PRPF8: variants seen among roughly 807,000 people sequenced by gnomAD.
PRPF8 encodes pre-mRNA-processing-splicing factor 8.
PRPF8 carries 64 observed loss-of-function variants against 285.9 expected under a neutral mutation model. The ratio of observed to expected loss-of-function variants is 0.22; its 90% CI spans 0.18 to 0.28. PRPF8 has a LOEUF of 0.28. Ranked by LOEUF, PRPF8 falls within the 10% of genes least tolerant of loss-of-function variation. The pLI is 1.00. For missense variants in PRPF8, 1,426 were observed against 3,026.7 expected (o/e 0.47, Z 12.41); for synonymous variants, 1,325 against 1,118.2 (o/e 1.18, Z -3.69).
In PRPF8 at chr17:1,650,739, C is replaced by T. The variant is rs755393216; in HGVS notation, c.*63G>A. The T allele has an allele frequency of 3.8e-6, 6 of 1,592,740 alleles. No individual in the cohort carries two copies. The highest frequency in any genetic ancestry group is 4.5e-5 in the East Asian group (2 of 44,786). On this transcript the variant is annotated 3_prime_UTR_variant, in exon 43 of 43. Coordinates refer to ENST00000304992, the MANE Select transcript of PRPF8 (RefSeq NM_006445.4). The stretch of plus-strand genomic sequence containing the variant: ...AAGAGGCCAAACTGCTGAATGTCAG[C>T]GGCCTGTCTGGAGGGGCTGAGGCTT...
At chr17:1,660,083 A>G in intron 30 of PRPF8, 82 bp from the exon 31 acceptor site, 1 of 1,459,130 alleles carries the variant, frequency 6.9e-7, no homozygotes, top group Non-Finnish European at 9.6e-7. Context: ...TAATGAGGCA[A>G]TAGGAGTCTC....
chr17:1,652,340 G>C (rs1052467335), intron 39 of PRPF8, among the ~76,000 whole-genome samples: 8 of 152,134 alleles, frequency 5.3e-5, no homozygotes, highest in Non-Finnish European at 1.2e-4. Context: ...CTGGGTTCAA[G>C]CAATTCTCCT....
At position 1,684,718 on chromosome 17, in the gene PRPF8, C is replaced by T. The variant is rs1040870928; in HGVS notation, c.-12+62G>A. The T allele has an allele frequency of 1.4e-5, 11 of 813,276 alleles. No homozygotes were observed. The African/African-American group carries it at 1.7e-4, about 13-fold the overall frequency. 50.4% of individuals were successfully genotyped at this position (813,276 alleles called of 1,614,324 possible). The stretch of plus-strand genomic sequence containing the variant: ...CCAGCCCCGCCCGGCCTAACCCCTT[C>T]GGTCACTCGGCCCGACCCGACCACG... On this transcript the variant is annotated intron_variant, in intron 1 of 42. Coordinates refer to ENST00000304992, the MANE Select transcript of PRPF8 (RefSeq NM_006445.4).
chr17:1,651,031 AG>A lies in PRPF8; in HGVS notation c.6853+76del. 6.2e-7 allele frequency: 1 copy of A among 1,613,972 alleles called. No individual in the cohort carries two copies. Among genetic ancestry groups the A allele is most frequent in the South Asian group, 1.1e-5 (1 of 91,082 alleles). ...AGCCTGCGCCACCTCCAAGCCAGCC[AG>A]GCCCCAAGTGCAAAGGGCGATGGCC... On this transcript the variant is annotated intron_variant, in intron 42 of 42. Coordinates refer to ENST00000304992, the MANE Select transcript of PRPF8 (RefSeq NM_006445.4). The surrounding 1 kb of genome is among the most constrained non-coding windows in gnomAD (Gnocchi z 5.1).
chr17:1,681,341 A>G, intron 6 of PRPF8, 137 bp downstream of exon 6: 1 of 1,109,970 alleles, frequency 9.0e-7, no homozygotes, highest in Non-Finnish European at 1.4e-6. Flanking sequence ...TCAGCTTCCC[A>G]AAGTGCTGAG....
chr17:1,653,474 C>T lies in PRPF8; in HGVS notation c.6369+68G>A. ...CAGCATCTCAAGTTCCAGACAATCT[C>T]AGGTCTGAGTTTTAGGCACAAAATG... On this transcript the variant is annotated intron_variant, in intron 39 of 42. Coordinates refer to ENST00000304992, the MANE Select transcript of PRPF8 (RefSeq NM_006445.4). This position sits in a 1 kb window ranked among gnomAD's most constrained non-coding sequence, Gnocchi z 4.9. 1 of 1,593,046 alleles carries T rather than the reference C, an allele frequency of 6.3e-7. No individual in the cohort carries two copies. Among genetic ancestry groups the T allele is most frequent in the Non-Finnish European group, 8.6e-7 (1 of 1,161,020 alleles).
chr17:1,655,147 G>A (rs1180288861), intron 37 of PRPF8, among the ~76,000 whole-genome samples: 4 of 150,322 alleles, frequency 2.7e-5, no homozygotes, highest in East Asian at 2.0e-4. Flanking sequence ...TAGTAGAGAC[G>A]GAGTTTCACC....
Position 1,659,056 on chromosome 17 carries a change from C to T in PRPF8, c.5139-293G>A, listed in dbSNP as rs1432588975. Reference sequence around the variant, plus strand: ...ATTATTTTTCTTTGAGATGGAGTCTCACTCTGTCGCCCAGGCTGGAGTGCA... The same window carrying T: ...ATTATTTTTCTTTGAGATGGAGTCTTACTCTGTCGCCCAGGCTGGAGTGCA... On this transcript the variant is annotated intron_variant, in intron 32 of 42. Coordinates refer to ENST00000304992, the MANE Select transcript of PRPF8 (RefSeq NM_006445.4). This position sits in a 1 kb window ranked among gnomAD's most constrained non-coding sequence, Gnocchi z 5.1. The T allele has an allele frequency of 7.4e-6, 4 of 541,414 alleles. No homozygotes were observed. Among genetic ancestry groups the T allele is most frequent in the Non-Finnish European group, 1.3e-5 (4 of 311,558 alleles). 33.5% of individuals were successfully genotyped at this position (541,414 alleles called of 1,614,324 possible).
Position 1,656,543 on chromosome 17 carries a change from T to C in PRPF8, c.5642A>G (p.Asn1881Ser), listed in dbSNP as rs867114986. 1 of 1,614,100 alleles carries C rather than the reference T, an allele frequency of 6.2e-7. No homozygotes were observed. Among genetic ancestry groups the C allele is most frequent in the Non-Finnish European group, 8.5e-7 (1 of 1,180,032 alleles). The change falls in exon 36 of 43, where the codon AAT becomes AGT. Residue 1881 changes from asparagine (N) to serine (S), a missense_variant. By Grantham distance (46) the Asn-to-Ser change is conservative. Around this residue, in one of 34 missense-constraint regions of PRPF8, gnomAD observed 29 missense variants for 86.4 expected, o/e 0.34. Transcript: ENST00000304992. Reference sequence around the variant, plus strand: ...GAGCTCCGATCCTTTGATGACAATATTGGGGAAGTCCAGTAAGTGCACCTA... The same window carrying C: ...GAGCTCCGATCCTTTGATGACAATACTGGGGAAGTCCAGTAAGTGCACCTA... ...PLEVHLLDFP[N>S]IVIKGSELQL...
chr17:1,681,630 G>A lies in PRPF8; in HGVS notation c.714C>T (p.Leu238=), dbSNP rs759319145. The A allele has an allele frequency of 3.7e-6, 6 of 1,614,148 alleles. No individual in the cohort carries two copies. Among genetic ancestry groups the A allele is most frequent in the Non-Finnish European group, 5.1e-6 (6 of 1,180,026 alleles). Reference sequence around the variant, plus strand: ...TCAGGAGCTGATTAGCCAGGCGGTAGAGAGTCGACATCATAGGTAGTGTGA... The same window carrying A: ...TCAGGAGCTGATTAGCCAGGCGGTAAAGAGTCGACATCATAGGTAGTGTGA... ...WQFTLPMMST[L]YRLANQLLTD... Residue 238 remains leucine, a synonymous_variant, in exon 6 of 43, where the codon CTC becomes CTT. Transcript: ENST00000304992.
Position 1,678,836 on chromosome 17 carries a change from C to T in PRPF8, c.1645G>A (p.Glu549Lys). Residue 549 changes from glutamate to lysine, a missense_variant, in exon 12 of 43, where the codon GAA (glutamate) becomes AAA (lysine). Physicochemically the swap from Glu to Lys is moderately conservative, Grantham distance 56. Coordinates refer to ENST00000304992, the MANE Select transcript of PRPF8 (RefSeq NM_006445.4). ...ACCAGCTTAGTCAAACGCAGAACTT[C>T]CCGACACAGGTGGAAAGCATTCCCA... ...RFGNAFHLCREVLRLTKLVVD... is the reference protein window; with the variant it reads ...RFGNAFHLCRKVLRLTKLVVD... The T allele has an allele frequency of 6.2e-7, 1 of 1,614,196 alleles. No homozygotes were observed. Among genetic ancestry groups the T allele is most frequent in the Non-Finnish European group, 8.5e-7 (1 of 1,180,036 alleles).
In PRPF8 at chr17:1,683,411, G is replaced by T. The variant is rs1913046034; in HGVS notation, c.269+122C>A. 6 of 1,103,766 alleles carry T rather than the reference G, an allele frequency of 5.4e-6. No homozygotes were observed. In the South Asian group the frequency reaches 6.3e-5, roughly 12 times the overall value. The allele number at this position is 1,103,766 out of a possible 1,614,324, so 68.4% of individuals were successfully genotyped here. A position where few individuals can be genotyped will look rare whatever the true frequency, so the allele number is the denominator to read the frequency against. ...GTAGAAATTATCAGAGACTCCTACTGGTTTTCTCCTTTCTCTTATATCCAC... is the reference window on the plus strand; with the variant it reads ...GTAGAAATTATCAGAGACTCCTACTTGTTTTCTCCTTTCTCTTATATCCAC... On this transcript the variant is annotated intron_variant, in intron 3 of 42. Coordinates refer to ENST00000304992, the MANE Select transcript of PRPF8 (RefSeq NM_006445.4).
chr17:1,684,841 C>T lies in PRPF8; in HGVS notation c.-73G>A. The T allele has an allele frequency of 1.7e-6, 1 of 595,858 alleles. No individual in the cohort carries two copies. 36.9% of individuals were successfully genotyped at this position (595,858 alleles called of 1,614,324 possible). A position where few individuals can be genotyped will look rare whatever the true frequency, so the allele number is the denominator to read the frequency against. On this transcript the variant is annotated 5_prime_UTR_variant, in exon 1 of 43. Coordinates refer to ENST00000304992, the MANE Select transcript of PRPF8 (RefSeq NM_006445.4). ...AGCGCAATGGCGGCCAGACTGCGTC[C>T]GCTCCGCGTTCCCAGCGCCGGGAAG...
chr17:1,660,954 G>C (rs1361374125), intron 28 of PRPF8, 39 bp downstream of exon 28: 2 of 1,612,982 alleles, frequency 1.2e-6, no homozygotes, highest in Non-Finnish European at 1.7e-6. Flanking sequence ...TGAGCTCAAA[G>C]GGTTGTGACA....
At position 1,651,696 on chromosome 17, in the gene PRPF8, G is replaced by C; in HGVS notation, c.6462C>G (p.His2154Gln). The C allele has an allele frequency of 1.2e-6, 2 of 1,614,168 alleles. No individual in the cohort carries two copies. The highest frequency in any genetic ancestry group is 1.7e-6 in the Non-Finnish European group (2 of 1,180,048). Residue 2154 changes from histidine (H) to glutamine (Q), a missense_variant, in exon 40 of 43, where the codon CAC becomes CAG. Coordinates refer to ENST00000304992, the MANE Select transcript of PRPF8 (RefSeq NM_006445.4). The surrounding 1 kb of genome is among the most constrained non-coding windows in gnomAD (Gnocchi z 5.1). ...GCTGGCCAGGCAGGTGCACGGTCTG[G>C]TGAGTGCCCCACTGCGGCACCATCA... is the stretch of plus-strand genomic sequence containing the variant. Reference protein sequence around the residue: ...CIVMVPQWGTHQTVHLPGQLP... With the variant: ...CIVMVPQWGTQQTVHLPGQLP...
At chr17:1,678,457 CAA>C (rs1163744227) in intron 13 of PRPF8, 59 bp downstream of exon 13, 5 of 1,606,988 alleles carry the variant, frequency 3.1e-6, no homozygotes, top group Non-Finnish European at 4.3e-6. Flanking sequence ...CACACCAGCC[CAA>C]GAGACAAGAG....
At position 1,676,149 on chromosome 17, in the gene PRPF8, A is replaced by G; in HGVS notation, c.2552+58T>C. 1.2e-6 allele frequency: 2 copies of G among 1,612,170 alleles called. No individual in the cohort carries two copies. The highest frequency in any genetic ancestry group is 2.2e-5 in the East Asian group (1 of 44,882). On this transcript the variant is annotated intron_variant, in intron 17 of 42. Transcript: ENST00000304992. The surrounding 1 kb of genome is among the most constrained non-coding windows in gnomAD (Gnocchi z 6.3). ...CACCTTCTTTCTTTGGACTCTGAGGATGACGCCATTCCCTGCTGTCACCTT... is the reference window on the plus strand; with the variant it reads ...CACCTTCTTTCTTTGGACTCTGAGGGTGACGCCATTCCCTGCTGTCACCTT...
rs1176467652 is a variant in PRPF8 at position 1,651,599 on chromosome 17, G to C, written c.6511-46C>G. 1 of 1,614,028 alleles carries C rather than the reference G, an allele frequency of 6.2e-7. No homozygotes were observed. The highest frequency in any genetic ancestry group is 8.5e-7 in the Non-Finnish European group (1 of 1,180,000). On this transcript the variant is annotated intron_variant, in intron 40 of 42. Transcript: ENST00000304992. The surrounding 1 kb of genome is among the most constrained non-coding windows in gnomAD (Gnocchi z 5.1). ...AGAGCTGAATCCCATCCACAGACAG[G>C]AATCGCACCAGCTTTTCCACACTCC...
At chr17:1,666,073 G>A (rs1036949554) in intron 24 of PRPF8, among the ~76,000 whole-genome samples, 2 of 151,336 alleles carry the variant, frequency 1.3e-5, no homozygotes, top group African/African-American at 4.9e-5. Context: ...AGCTGAAGCA[G>A]GAGAATGGCG....
Sources: gnomAD v4.1 joint callset for allele counts (sites outside exome capture counted in the v4.1 genomes callset) on GRCh38, gnomAD v4.1.1 for gene constraint, gnomAD v4.1.1 regional missense constraint, Gnocchi (gnomAD v3.1) non-coding constraint, MANE v1.5 for transcripts, NCBI Gene and HGNC (gene_info 2026-07-23, HGNC 2026-07-21) for gene names.